The following HTT variants were observed in gnomAD, a reference collection of about 807,000 sequenced individuals.
The protein encoded by HTT is huntington disease protein.
HTT carries 104 observed loss-of-function variants against 362.3 expected under a neutral mutation model. That is an observed-to-expected ratio of 0.29 (90% CI 0.24 to 0.34). The LOEUF is 0.34. HTT is among the 10% of genes least tolerant of loss of function. The pLI is 1.00. For missense variants in HTT, 3,301 were observed against 3,928.6 expected (o/e 0.84, Z 4.27); for synonymous variants, 1,577 against 1,548.7 (o/e 1.02, Z -0.43).
chr4:3,130,721 A>C (rs774593488), intron 14 of HTT, among the ~76,000 whole-genome samples: 2 of 152,186 alleles, frequency 1.3e-5, no homozygotes, highest in Non-Finnish European at 2.9e-5. Context: ...ATGGCCTGCA[A>C]CGTTTCTTGT....
chr4:3,180,912 C>T (rs1446986180), intron 36 of HTT: 9 of 288,306 alleles, frequency 3.1e-5, no homozygotes, highest in African/African-American at 1.3e-4. Flanking sequence ...AGTCTCTCTC[C>T]GTCGCCCAGG....
chr4:3,111,507 TCTATAA>T (rs1578507317), intron 6 of HTT, among the ~76,000 whole-genome samples: 1 of 152,154 alleles, frequency 6.6e-6, no homozygotes, highest in East Asian at 1.9e-4. Flanking sequence ...AATACCAGTA[TCTATAA>T]GTCTTTTCCT....
chr4:3,140,198 T>C (rs961345764), intron 21 of HTT, among the ~76,000 whole-genome samples: 9 of 150,308 alleles, frequency 6.0e-5, no homozygotes, highest in African/African-American at 2.2e-4. Flanking sequence ...ACGGCAGAGG[T>C]TGCAGTGAGC....
At position 3,116,147 on chromosome 4, in the gene HTT, C is replaced by T; in HGVS notation, c.952C>T (p.Leu318=). 3 of 1,613,962 alleles carry T rather than the reference C, an allele frequency of 1.9e-6. No homozygotes were observed. The highest frequency in any genetic ancestry group is 2.2e-5 in the East Asian group (1 of 44,888). ...TLLILGVLLT[L]RYLVPLLQQQ... ...GCTGATTCTTGGCGTGCTGCTCACCCTGAGGTATTTGGTGCCCTTGCTGCA... is the reference window on the plus strand; with the variant it reads ...GCTGATTCTTGGCGTGCTGCTCACCTTGAGGTATTTGGTGCCCTTGCTGCA... The change falls in exon 8 of 67, where the codon CTG becomes TTG. Residue 318 remains leucine, a synonymous_variant. Coordinates refer to ENST00000355072, the MANE Select transcript of HTT (RefSeq NM_001388492.1).
At chr4:3,178,183 G>A in intron 34 of HTT, 115 bp from the exon 35 acceptor site, 2 of 800,728 alleles carry the variant, frequency 2.5e-6, no homozygotes, top group Non-Finnish European at 4.1e-6. Flanking sequence ...ACGGACACCT[G>A]TTAGCTTGAT....
chr4:3,125,657 T>C, intron 11 of HTT, 28 bp downstream of exon 11: 2 of 1,510,274 alleles, frequency 1.3e-6, no homozygotes, highest in Non-Finnish European at 1.8e-6. Flanking sequence ...GCCGCTGGTG[T>C]GGACCTTCAC....
chr4:3,151,565 G>A (rs1302200454), intron 26 of HTT, among the ~76,000 whole-genome samples: 1 of 152,142 alleles, frequency 6.6e-6, no homozygotes, highest in African/African-American at 2.4e-5. Context: ...AGATTTGGGT[G>A]GGGACACAGA....
chr4:3,074,682 C>A lies in HTT; in HGVS notation c.-144C>A. The A allele has an allele frequency of 1.3e-6, 1 of 795,208 alleles. No homozygotes were observed. The highest frequency in any genetic ancestry group is 1.7e-6 in the Non-Finnish European group (1 of 574,310). The allele number at this position is 795,208 out of a possible 1,614,324, so 49.3% of individuals were successfully genotyped here. A position where few individuals can be genotyped will look rare whatever the true frequency, so the allele number is the denominator to read the frequency against. On this transcript the variant is annotated 5_prime_UTR_variant, in exon 1 of 67. The change creates a new upstream start codon in the 5' untranslated region. Transcript: ENST00000355072. ...TCTGGGACGCAAGGCGCCGTGGGGGCTGCCGGGACGGGTCCAAGATGGACG... is the reference window on the plus strand; with the variant it reads ...TCTGGGACGCAAGGCGCCGTGGGGGATGCCGGGACGGGTCCAAGATGGACG...
At chr4:3,160,419 GT>G (rs1717381350) in intron 29 of HTT, 27 bp downstream of exon 29, 1 of 1,421,692 alleles carries the variant, frequency 7.0e-7, no homozygotes, top group Non-Finnish European at 9.7e-7. Flanking sequence ...TTCTCCTTGG[GT>G]TGTGGCTGGC....
rs115399857 is a variant in HTT, at chr4:3,213,140, G to A, written c.6774+431G>A. 4.9e-3 allele frequency: 827 copies of A among 169,428 alleles called. 7 individuals are homozygous for A. Among genetic ancestry groups the A allele is most frequent in the African/African-American group, 0.017 (717 of 42,196 alleles). 10.5% of individuals were successfully genotyped at this position (169,428 alleles called of 1,614,324 possible). On this transcript the variant is annotated intron_variant, in intron 49 of 66. Coordinates refer to ENST00000355072, the MANE Select transcript of HTT (RefSeq NM_001388492.1). ...TGGCCTGTATCCTTAAAGGGCCATCGCTGTGCTGCCTGCCCTCAGCAAGGA... is the reference window on the plus strand; with the variant it reads ...TGGCCTGTATCCTTAAAGGGCCATCACTGTGCTGCCTGCCCTCAGCAAGGA...
At chr4:3,079,230 G>A (rs1021228732) in intron 1 of HTT, among the ~76,000 whole-genome samples, 1 of 150,550 alleles carries the variant, frequency 6.6e-6, no homozygotes, top group African/African-American at 2.5e-5. Context: ...TTCAGGGAAG[G>A]TCCACTGAGA....
intron 9 of HTT, 147 bp from the exon 10 acceptor site, chr4:3,122,742 G>A: frequency 1.8e-6 from 1 of 567,114 alleles, no homozygotes; most frequent in Non-Finnish European, 3.2e-6. Context: ...AAATTAAAAT[G>A]TTGAACTGCG....
At chr4:3,184,085 A>T (rs1180884497) in intron 37 of HTT, among the ~76,000 whole-genome samples, 3 of 151,824 alleles carry the variant, frequency 2.0e-5, no homozygotes, top group Non-Finnish European at 2.9e-5. Flanking sequence ...AGAAGAATCC[A>T]GGAGGGAAGA....
chr4:3,176,446 C>A (rs1656517138), intron 33 of HTT, among the ~76,000 whole-genome samples: 1 of 152,182 alleles, frequency 6.6e-6, no homozygotes, highest in African/African-American at 2.4e-5. Context: ...CATTGCTCTC[C>A]TCAGGAAATA....
In HTT at chr4:3,180,512, C is replaced by G. The variant is rs1376049368; in HGVS notation, c.4613-3C>G. 6.3e-7 allele frequency: 1 copy of G among 1,593,714 alleles called. No homozygotes were observed. Among genetic ancestry groups the G allele is most frequent in the Admixed American group, 1.8e-5 (1 of 56,684 alleles). On this transcript the variant is annotated splice_polypyrimidine_tract_variant and splice_region_variant and intron_variant, in intron 35 of 66. Transcript: ENST00000355072. The stretch of plus-strand genomic sequence containing the variant: ...TGATAAGGGTACCCTTTTGTCCCCA[C>G]AGCCATACCGGCTCTGCAGCCCATA...
Position 3,121,348 on chromosome 4 carries a change from G to T in HTT, c.1189G>T (p.Ala397Ser), listed in dbSNP as rs372410485. 4 of 1,614,118 alleles carry T rather than the reference G, an allele frequency of 2.5e-6. No homozygotes were observed. Among genetic ancestry groups the T allele is most frequent in the South Asian group, 1.1e-5 (1 of 91,078 alleles). The change falls in exon 9 of 67, where the codon GCA becomes TCA. Residue 397 changes from alanine (A) to serine (S), a missense_variant. By Grantham distance (99) the Ala-to-Ser change is moderately conservative (BLOSUM62 1). Coordinates refer to ENST00000355072, the MANE Select transcript of HTT (RefSeq NM_001388492.1). ...ACCCGAGCTTCTGCAAACCCTGACC[G>T]CAGTCGGGGGCATTGGGCAGCTCAC... ...PPPELLQTLT[A>S]VGGIGQLTAA...
At chr4:3,094,753 G>C (rs1432808625) in intron 2 of HTT, among the ~76,000 whole-genome samples, 2 of 149,824 alleles carry the variant, frequency 1.3e-5, no homozygotes, top group Non-Finnish European at 3.0e-5. Context: ...GGGCGGAGGG[G>C]CTCCTCACTT....
intron 28 of HTT, 41 bp from the exon 29 acceptor site, chr4:3,160,241 C>A: frequency 2.4e-6 from 3 of 1,275,062 alleles, no homozygotes; most frequent in Non-Finnish European, 3.4e-6. Flanking sequence ...GAGATCGTGA[C>A]AGGGCCAGTA....
chr4:3,238,691 A>G, intron 65 of HTT, 82 bp downstream of exon 65: 1 of 1,486,566 alleles, frequency 6.7e-7, no homozygotes, highest in Non-Finnish European at 9.2e-7. Flanking sequence ...ATTCGCCAGC[A>G]GAGCCCAGCT....
Sources: gnomAD v4.1 joint callset for allele counts (sites outside exome capture counted in the v4.1 genomes callset) on GRCh38, gnomAD v4.1.1 for gene constraint, MANE v1.5 for transcripts, NCBI Gene and HGNC (gene_info 2026-07-23, HGNC 2026-07-21) for gene names.